Variants in TCF12 observed in about 807,000 individuals in gnomAD.
The protein encoded by TCF12 is transcription factor 12, also known as DNA-binding protein HTF4.
TCF12 carries 45 observed loss-of-function variants against 86.0 expected under a neutral mutation model. The ratio of observed to expected loss-of-function variants is 0.52; its 90% CI spans 0.41 to 0.67. The LOEUF (loss-of-function observed/expected upper bound fraction) is 0.67. Among genes scored for constraint, TCF12 ranks in the 30% least tolerant of loss-of-function variants. TCF12 has a pLI of 0.00. For synonymous variants in TCF12, 330 were observed against 299.6 expected (o/e 1.10, Z -1.05); for missense variants, 881 against 859.9 (o/e 1.02, Z -0.31).
At chr15:57,082,472 TG>T (rs1567385322) in intron 4 of TCF12, among the ~76,000 whole-genome samples, 1 of 152,248 alleles carries the variant, frequency 6.6e-6, no homozygotes, top group Non-Finnish European at 1.5e-5. Context: ...TTAACAAATG[TG>T]TCTTGAACAT....
At chr15:56,983,562 G>T (rs1332318621) in intron 3 of TCF12, among the ~76,000 whole-genome samples, 2 of 152,040 alleles carry the variant, frequency 1.3e-5, no homozygotes, top group African/African-American at 4.8e-5. Context: ...ACATTTCCTA[G>T]AGAGATCTAT....
intron 13 of TCF12, among the ~76,000 whole-genome samples, chr15:57,249,301 A>G (rs951116825): frequency 3.3e-5 from 5 of 152,250 alleles, no homozygotes; most frequent in African/African-American, 1.2e-4. Context: ...TTTTGTTTCA[A>G]TGAGCAATTT....
intron 5 of TCF12, among the ~76,000 whole-genome samples, chr15:57,155,652 C>T (rs1199830129): frequency 6.6e-6 from 1 of 152,036 alleles, no homozygotes; most frequent in African/African-American, 2.4e-5. Context: ...TAAAATTAAC[C>T]TATGTGGGTG....
chr15:57,270,486 C>T (rs1350972689), intron 18 of TCF12, among the ~76,000 whole-genome samples: 1 of 152,092 alleles, frequency 6.6e-6, no homozygotes, highest in Non-Finnish European at 1.5e-5. Context: ...TTTTTACTTC[C>T]TCGCAGTGGG....
chr15:57,166,350 G>T, intron 5 of TCF12, 52 bp from the exon 6 acceptor site: 1 of 1,457,198 alleles, frequency 6.9e-7, no homozygotes, highest in Non-Finnish European at 9.4e-7. Flanking sequence ...CAGTTTGATT[G>T]TCTGTCAATA....
At chr15:57,157,205 T>G (rs2054171200) in intron 5 of TCF12, among the ~76,000 whole-genome samples, 1 of 152,188 alleles carries the variant, frequency 6.6e-6, no homozygotes, top group Non-Finnish European at 1.5e-5. Flanking sequence ...AAATCGTTTT[T>G]TAAGAATGAG....
chr15:57,131,523 TAAACCA>T (rs1231477409), intron 5 of TCF12, among the ~76,000 whole-genome samples: 1 of 152,234 alleles, frequency 6.6e-6, no homozygotes, highest in Non-Finnish European at 1.5e-5. Context: ...AATGCTTCTG[TAAACCA>T]AAGGAATGGT....
chr15:57,192,159 C>G lies in TCF12; in HGVS notation c.392C>G (p.Ser131Cys), dbSNP rs1191544963. 3.1e-6 allele frequency: 5 copies of G among 1,613,568 alleles called. No individual in the cohort carries two copies. The highest frequency in any genetic ancestry group is 2.2e-5 in the East Asian group (1 of 44,862). Residue 131 changes from serine (S) to cysteine (C), a missense_variant and splice_region_variant, in exon 7 of 21, where the codon TCT becomes TGT. Physicochemically the swap from Ser to Cys is moderately radical, Grantham distance 112. Around this residue, in one of 3 missense-constraint regions of TCF12, gnomAD observed 766 missense variants for 718.9 expected, o/e 1.07. Coordinates refer to ENST00000333725, the MANE Select transcript of TCF12 (RefSeq NM_207037.2). ...SRDTGLPGCQSSLLRQDLGLG... is the reference protein window; with the variant it reads ...SRDTGLPGCQCSLLRQDLGLG... ...TGTTTCCTTGGCCTTATTTTATAGTCTAGTCTCCTGAGACAAGATCTGGGG... is the reference window on the plus strand; with the variant it reads ...TGTTTCCTTGGCCTTATTTTATAGTGTAGTCTCCTGAGACAAGATCTGGGG...
chr15:57,107,927 C>G (rs773144440), intron 5 of TCF12, among the ~76,000 whole-genome samples: 1 of 151,990 alleles, frequency 6.6e-6, no homozygotes, highest in Non-Finnish European at 1.5e-5. Flanking sequence ...AAATAAAATA[C>G]ATACAAACAT....
At chr15:57,104,739 A>C (rs1412218945) in intron 5 of TCF12, among the ~76,000 whole-genome samples, 1 of 149,516 alleles carries the variant, frequency 6.7e-6, no homozygotes, top group East Asian at 2.0e-4. Context: ...CCTGGCCATA[A>C]ATCTTTATTT....
chr15:56,926,211 G>A (rs758750190), intron 3 of TCF12, among the ~76,000 whole-genome samples: 12 of 152,002 alleles, frequency 7.9e-5, no homozygotes, highest in Non-Finnish European at 1.5e-4. Context: ...TACTGGGGAG[G>A]CTGAGGCAGG....
At position 56,918,916 on chromosome 15, in the gene TCF12, G is replaced by C. The variant is rs910953125; in HGVS notation, c.-23+10G>C. The C allele has an allele frequency of 6.5e-6, 1 of 152,740 alleles. No individual in the cohort carries two copies. The highest frequency in any genetic ancestry group is 1.5e-5 in the Non-Finnish European group (1 of 68,366). 9.5% of individuals were successfully genotyped at this position (152,740 alleles called of 1,614,324 possible). A position where few individuals can be genotyped will look rare whatever the true frequency, so the allele number is the denominator to read the frequency against. Reference sequence around the variant, plus strand: ...GGAGACGGGGCGGCAGGTAATTGCGGGCTAGCGAGCGGGAGTGGGGCGGCG... The same window carrying C: ...GGAGACGGGGCGGCAGGTAATTGCGCGCTAGCGAGCGGGAGTGGGGCGGCG... On this transcript the variant is annotated intron_variant, in intron 1 of 20. Transcript: ENST00000333725.
chr15:57,254,321 G>T (rs1205686017), intron 16 of TCF12, among the ~76,000 whole-genome samples: 1 of 152,072 alleles, frequency 6.6e-6, no homozygotes, highest in Non-Finnish European at 1.5e-5. Context: ...GATAGGGTTG[G>T]TTCCAGATTT....
chr15:57,260,134 ATACT>A (rs1335539549), intron 16 of TCF12, among the ~76,000 whole-genome samples: 5 of 152,202 alleles, frequency 3.3e-5, no homozygotes, highest in African/African-American at 1.2e-4. Context: ...GTGTGAGAAA[ATACT>A]TAGTTTGTAT....
At chr15:57,095,842 A>G (rs1279688729) in intron 5 of TCF12, among the ~76,000 whole-genome samples, 2 of 152,098 alleles carry the variant, frequency 1.3e-5, no homozygotes, top group Non-Finnish European at 2.9e-5. Flanking sequence ...CAATTCCATA[A>G]TCTCATAAAT....
rs139918725 is a variant in TCF12, at chr15:57,071,099, A to G, written c.222+7276A>G. On this transcript the variant is annotated intron_variant, in intron 4 of 20. Transcript: ENST00000333725. ...GGAAATATGCTTAGACATGTAAGTC[A>G]TATTTGCCTAAAGAGTTACTTTTTA... is the stretch of plus-strand genomic sequence containing the variant. Among the ~76,000 whole-genome samples the G allele has an allele frequency of 8.5e-5, 13 of 152,228 alleles. No homozygotes were observed. In the East Asian group the frequency reaches 2.3e-3, roughly 27 times the overall value.
At chr15:56,923,880 T>G (rs1788999500) in intron 3 of TCF12, among the ~76,000 whole-genome samples, 1 of 152,146 alleles carries the variant, frequency 6.6e-6, no homozygotes, top group South Asian at 2.1e-4. Flanking sequence ...AAGCTTCACT[T>G]TTTCTTATTG....
At chr15:57,054,006 A>C (rs1485479773) in intron 3 of TCF12, among the ~76,000 whole-genome samples, 1 of 152,204 alleles carries the variant, frequency 6.6e-6, no homozygotes, top group African/African-American at 2.4e-5. Context: ...AATGGTAAGA[A>C]GTGAAGGTGA....
chr15:57,061,987 T>C (rs1462763857), intron 3 of TCF12, among the ~76,000 whole-genome samples: 1 of 152,084 alleles, frequency 6.6e-6, no homozygotes, highest in East Asian at 1.9e-4. Flanking sequence ...GATGGAGTCT[T>C]GCTCTGTCAC....
Sources: gnomAD v4.1 joint callset for allele counts (sites outside exome capture counted in the v4.1 genomes callset) on GRCh38, gnomAD v4.1.1 for gene constraint, gnomAD v4.1.1 regional missense constraint, MANE v1.5 for transcripts, NCBI Gene and HGNC (gene_info 2026-07-23, HGNC 2026-07-21) for gene names.